Variants in DOCK4 observed in about 807,000 individuals in gnomAD.
DOCK4 encodes the protein dedicator of cytokinesis 4, also known as dedicator of cytokinesis protein 4.
DOCK4 carries 97 observed loss-of-function variants against 268.1 expected under a neutral mutation model. That is an observed-to-expected ratio of 0.36 (90% CI 0.31 to 0.43). The LOEUF is 0.43. Ranked by LOEUF, DOCK4 falls within the 20% of genes least tolerant of loss-of-function variation. DOCK4 has a pLI of 1.00. For missense variants in DOCK4, 2,145 were observed against 2,455.7 expected (o/e 0.87, Z 2.67); for synonymous variants, 954 against 887.2 (o/e 1.08, Z -1.34).
chr7:111,815,172 A>G (rs898478742), intron 27 of DOCK4, among the ~76,000 whole-genome samples: 19 of 152,166 alleles, frequency 1.2e-4, no homozygotes, highest in Admixed American at 4.6e-4. Context: ...GGGTCTATTT[A>G]GTGCTTGATA....
chr7:111,850,731 C>T (rs536909275), intron 23 of DOCK4, among the ~76,000 whole-genome samples: 2 of 152,174 alleles, frequency 1.3e-5, no homozygotes, highest in African/African-American at 2.4e-5. Flanking sequence ...ACCTTGTGAC[C>T]CCCACCCCTG....
intron 1 of DOCK4, among the ~76,000 whole-genome samples, chr7:112,170,169 T>C (rs1383364312): frequency 2.0e-5 from 3 of 152,048 alleles, no homozygotes; most frequent in South Asian, 4.1e-4. Context: ...AAAGAGCATA[T>C]GTGGTCGGGC....
chr7:111,877,128 T>C lies in DOCK4; in HGVS notation c.1646A>G (p.Lys549Arg). Residue 549 changes from lysine (K) to arginine (R), a missense_variant, in exon 17 of 53, where the codon AAG becomes AGG. Physicochemically the swap from Lys to Arg is conservative, Grantham distance 26. This residue lies in a region of DOCK4 where 1,598 missense variants were observed against 1,986.7 expected (regional missense o/e 0.80). Coordinates refer to ENST00000428084, the MANE Select transcript of DOCK4 (RefSeq NM_001363540.2). ...TTRYLKLPFSKGIFLGNNNQA... is the reference protein window; with the variant it reads ...TTRYLKLPFSRGIFLGNNNQA... Reference sequence around the variant, plus strand: ...ATTATTATTCCCAAGGAAAATGCCCTTGGAAAAGGGAAGTTTGAGGTAGCG... The same window carrying C: ...ATTATTATTCCCAAGGAAAATGCCCCTGGAAAAGGGAAGTTTGAGGTAGCG... 6.3e-7 allele frequency: 1 copy of C among 1,592,436 alleles called. No homozygotes were observed. The highest frequency in any genetic ancestry group is 8.5e-7 in the Non-Finnish European group (1 of 1,170,030).
At chr7:111,991,950 G>C (rs1799569768) in intron 5 of DOCK4, among the ~76,000 whole-genome samples, 1 of 98,056 alleles carries the variant, frequency 1.0e-5, no homozygotes, top group Non-Finnish European at 1.8e-5. Context: ...AACAGAGAGA[G>C]ACTCTGTCTC....
At position 112,177,461 on chromosome 7, in the gene DOCK4, C is replaced by T. The variant is rs565291811; in HGVS notation, c.37+28641G>A. On this transcript the variant is annotated intron_variant, in intron 1 of 52. Transcript: ENST00000428084. ...TTGTTAAAATATCTTTATGGATTTG[C>T]AAACCAATGTAAATTTGCAACCCAC... Among the ~76,000 whole-genome samples the T allele has an allele frequency of 1.9e-4, 29 of 152,268 alleles. 2 individuals are homozygous for T. Among genetic ancestry groups the T allele is most frequent in the African/African-American group, 6.3e-4 (26 of 41,544 alleles).
At chr7:112,185,912 A>G (rs1162374857) in intron 1 of DOCK4, among the ~76,000 whole-genome samples, 1 of 152,228 alleles carries the variant, frequency 6.6e-6, no homozygotes, top group Non-Finnish European at 1.5e-5. Flanking sequence ...TGAGGGTAGG[A>G]GTCACTTTGG....
At chr7:111,760,781 T>TGC (rs549651799) in intron 39 of DOCK4, among the ~76,000 whole-genome samples, 20 of 143,326 alleles carry the variant, frequency 1.4e-4, no homozygotes, top group African/African-American at 5.3e-4. Context: ...TGTGTGTGTG[T>TGC]GTATTCTGCC....
chr7:111,964,994 C>G (rs1220794371), intron 8 of DOCK4, among the ~76,000 whole-genome samples: 1 of 54,288 alleles, frequency 1.8e-5, no homozygotes, highest in Non-Finnish European at 2.9e-5. Context: ...ACTTTATAGA[C>G]AAGCAAATGC....
intron 7 of DOCK4, among the ~76,000 whole-genome samples, chr7:111,979,752 C>T (rs1271037415): frequency 6.6e-6 from 1 of 152,144 alleles, no homozygotes; most frequent in Non-Finnish European, 1.5e-5. Flanking sequence ...CTCTCTTAAC[C>T]TCAAATAGTG....
chr7:111,868,454 T>G (rs1400766325), intron 21 of DOCK4, among the ~76,000 whole-genome samples: 1 of 152,212 alleles, frequency 6.6e-6, no homozygotes, highest in Non-Finnish European at 1.5e-5. Flanking sequence ...CTCACGCCTG[T>G]AATCCCAGCA....
At chr7:111,764,967 T>C (rs1797677317) in intron 39 of DOCK4, 151 bp downstream of exon 39, 1 of 422,188 alleles carries the variant, frequency 2.4e-6, no homozygotes, top group African/African-American at 2.1e-5. Flanking sequence ...CAAGGCATTC[T>C]AGATTAATAT....
At chr7:111,832,322 C>T (rs78444530) in intron 26 of DOCK4, among the ~76,000 whole-genome samples, 4 of 152,272 alleles carry the variant, frequency 2.6e-5, no homozygotes, top group African/African-American at 9.6e-5. Flanking sequence ...CATAGCATCG[C>T]GTGCTTACCC....
chr7:112,102,084 C>A (rs1481023431), intron 1 of DOCK4, among the ~76,000 whole-genome samples: 1 of 152,084 alleles, frequency 6.6e-6, no homozygotes, highest in Non-Finnish European at 1.5e-5. Context: ...TTCACATTCC[C>A]CCTTTCCCCG....
At chr7:111,980,892 C>T (rs1360783188) in intron 7 of DOCK4, among the ~76,000 whole-genome samples, 2 of 152,210 alleles carry the variant, frequency 1.3e-5, no homozygotes, top group African/African-American at 4.8e-5. Flanking sequence ...AGGAGAGAAG[C>T]TGGCTAATAA....
In DOCK4 at chr7:111,791,101, A is replaced by ATATATATATATATATAT. The variant is rs1355856524; in HGVS notation, c.3167-497_3167-496insATATATATATATATATA. On this transcript the variant is annotated intron_variant, in intron 30 of 52. Coordinates refer to ENST00000428084, the MANE Select transcript of DOCK4 (RefSeq NM_001363540.2). The stretch of plus-strand genomic sequence containing the variant: ...ATATATATATATATATATATATATA[A>ATATATATATATATATAT]AATAAATCATCAGGAATTGGTTATG... 1.0e-3 allele frequency among the ~76,000 whole-genome samples: 116 copies of ATATATATATATATATAT among 115,810 alleles called. 4 individuals are homozygous for ATATATATATATATATAT. The highest frequency in any genetic ancestry group is 4.2e-3 in the Middle Eastern group (1 of 236). 76.0% of individuals were successfully genotyped at this position (115,810 alleles called of 152,430 possible).
At chr7:112,140,001 TC>T (rs1354686278) in intron 1 of DOCK4, among the ~76,000 whole-genome samples, 1 of 152,018 alleles carries the variant, frequency 6.6e-6, no homozygotes, top group Non-Finnish European at 1.5e-5. Context: ...TACAGCTCAA[TC>T]CCCTTACAGT....
At position 111,861,002 on chromosome 7, in the gene DOCK4, A is replaced by T. The variant is rs538024815; in HGVS notation, c.2473+2370T>A. 7.2e-5 allele frequency among the ~76,000 whole-genome samples: 11 copies of T among 152,346 alleles called. No homozygotes were observed. The South Asian group carries it at 1.4e-3, about 20-fold the overall frequency. ...CAAGACTTTAACTTAACAAAGAATT[A>T]TCTGGTCAGTGTGGGAGAAATATGG... On this transcript the variant is annotated intron_variant, in intron 23 of 52. Coordinates refer to ENST00000428084, the MANE Select transcript of DOCK4 (RefSeq NM_001363540.2).
At chr7:112,008,337 T>C (rs1249215512) in intron 1 of DOCK4, among the ~76,000 whole-genome samples, 1 of 152,196 alleles carries the variant, frequency 6.6e-6, no homozygotes, top group East Asian at 1.9e-4. Flanking sequence ...CCTTAAAAAA[T>C]ATCTGTCAGC....
chr7:111,745,710 A>G (rs969882953), intron 44 of DOCK4, among the ~76,000 whole-genome samples: 1 of 149,728 alleles, frequency 6.7e-6, no homozygotes, highest in African/African-American at 2.4e-5. Flanking sequence ...AAAAAAAAAA[A>G]GTTGGCATCA....
Sources: gnomAD v4.1 joint callset for allele counts (sites outside exome capture counted in the v4.1 genomes callset) on GRCh38, gnomAD v4.1.1 for gene constraint, gnomAD v4.1.1 regional missense constraint, MANE v1.5 for transcripts, NCBI Gene and HGNC (gene_info 2026-07-23, HGNC 2026-07-21) for gene names.